Variants in RAD54L2 observed in about 807,000 individuals in gnomAD.
RAD54L2 encodes the protein RAD54 like 2.
RAD54L2 carries 27 observed loss-of-function variants against 138.4 expected under a neutral mutation model. The observed-to-expected ratio is 0.20, with a 90% confidence interval of 0.14 to 0.27. The LOEUF (loss-of-function observed/expected upper bound fraction) is 0.27, where lower values mean the gene tolerates loss of function less well. RAD54L2 is among the 10% of genes least tolerant of loss of function. The pLI, the probability that RAD54L2 is intolerant of heterozygous loss-of-function variation, is 1.00. For synonymous variants in RAD54L2, 644 were observed against 723.2 expected (o/e 0.89, Z 1.76); for missense variants, 1,396 against 1,890.2 (o/e 0.74, Z 4.85).
intron 19 of RAD54L2, among the ~76,000 whole-genome samples, chr3:51,647,019 GTAAGATAT>G (rs1226443349): frequency 1.3e-5 from 2 of 151,956 alleles, no homozygotes; most frequent in Non-Finnish European, 2.9e-5. Flanking sequence ...GAGGCTCCTT[GTAAGATAT>G]TATAGAACAG....
At chr3:51,651,094 T>C (rs1335650274) in intron 19 of RAD54L2, among the ~76,000 whole-genome samples, 1 of 152,000 alleles carries the variant, frequency 6.6e-6, no homozygotes, top group Non-Finnish European at 1.5e-5. Context: ...TAAAAAATGA[T>C]AAAGGGGATA....
chr3:51,554,833 T>C (rs1225932259), intron 2 of RAD54L2, among the ~76,000 whole-genome samples: 1 of 151,664 alleles, frequency 6.6e-6, no homozygotes, highest in African/African-American at 2.4e-5. Flanking sequence ...CAGACCCTCA[T>C]TTCTTTTCTT....
At chr3:51,648,317 C>T (rs569301181) in intron 19 of RAD54L2, among the ~76,000 whole-genome samples, 121 of 152,360 alleles carry the variant, frequency 7.9e-4, no homozygotes, top group South Asian at 3.7e-3. Flanking sequence ...GTGGAGCCCA[C>T]TGTAGCTCAA....
In RAD54L2 at chr3:51,639,974, C is replaced by T. The variant is rs1559648360; in HGVS notation, c.2206C>T (p.Leu736Phe). 2 of 1,608,114 alleles carry T rather than the reference C, an allele frequency of 1.2e-6. No individual in the cohort carries two copies. Among genetic ancestry groups the T allele is most frequent in the Middle Eastern group, 1.6e-4 (1 of 6,072 alleles). The change falls in exon 14 of 23, where the codon CTT becomes TTT. Residue 736 changes from leucine (L) to phenylalanine (F), a missense_variant. Physicochemically the swap from Leu to Phe is conservative, Grantham distance 22. Coordinates refer to ENST00000684192, the MANE Select transcript of RAD54L2 (RefSeq NM_015106.4). ...LFHLIEESVK[L>F]GDKILVFSQS... ...CCACCTGATTGAGGAAAGTGTGAAG[C>T]TTGGGGACAAGATCCTTGTGTTTAG...
Position 51,590,514 on chromosome 3 carries a change from G to T in RAD54L2, c.94G>T (p.Ala32Ser). The change falls in exon 3 of 23, where the codon GCA (alanine) becomes TCA (serine). Residue 32 changes from alanine (A) to serine (S), a missense_variant. This residue lies in a region of RAD54L2 where 256 missense variants were observed against 344.6 expected (regional missense o/e 0.74). Transcript: ENST00000684192. ...AGAGGAGGAGGAGGAGGAGGAGGTGGCAGTGGAGGAGTGTGACAGGGATGA... is the reference window on the plus strand; with the variant it reads ...AGAGGAGGAGGAGGAGGAGGAGGTGTCAGTGGAGGAGTGTGACAGGGATGA... ...AEEEEEEEEV[A>S]VEECDRDDEE... 6.4e-7 allele frequency: 1 copy of T among 1,552,470 alleles called. No individual in the cohort carries two copies. Among genetic ancestry groups the T allele is most frequent in the Non-Finnish European group, 8.7e-7 (1 of 1,147,188 alleles).
intron 2 of RAD54L2, among the ~76,000 whole-genome samples, chr3:51,557,268 C>T (rs578139387): frequency 2.2e-4 from 32 of 145,074 alleles, no homozygotes; most frequent in African/African-American, 7.6e-4. Flanking sequence ...ACTGTAGCCT[C>T]GACTTCCCAG....
intron 2 of RAD54L2, among the ~76,000 whole-genome samples, chr3:51,573,631 G>A (rs1221741698): frequency 6.6e-6 from 1 of 152,030 alleles, no homozygotes; most frequent in Admixed American, 6.6e-5. Context: ...CACCACGCCT[G>A]ACTAATTTTT....
At chr3:51,649,576 C>T (rs1701374824) in intron 19 of RAD54L2, among the ~76,000 whole-genome samples, 1 of 152,106 alleles carries the variant, frequency 6.6e-6, no homozygotes, top group Admixed American at 6.6e-5. Flanking sequence ...AAAGGGAAGC[C>T]CATCAGACTA....
intron 3 of RAD54L2, among the ~76,000 whole-genome samples, chr3:51,615,165 G>C (rs974510140): frequency 6.6e-6 from 1 of 151,910 alleles, no homozygotes; most frequent in Non-Finnish European, 1.5e-5. Context: ...AGGCACCCAC[G>C]ACCATGCCTG....
intron 2 of RAD54L2, among the ~76,000 whole-genome samples, chr3:51,553,869 C>T (rs970192775): frequency 2.0e-5 from 3 of 152,140 alleles, no homozygotes; most frequent in Non-Finnish European, 4.4e-5. Flanking sequence ...ATACTATAGT[C>T]TATTAAGTTC....
At chr3:51,596,938 G>C (rs976398961) in intron 3 of RAD54L2, among the ~76,000 whole-genome samples, 6 of 152,182 alleles carry the variant, frequency 3.9e-5, no homozygotes, top group Non-Finnish European at 8.8e-5. Context: ...GCCAAGGCAG[G>C]CGGATCAGTT....
intron 3 of RAD54L2, among the ~76,000 whole-genome samples, chr3:51,626,990 C>G (rs147053762): frequency 6.6e-6 from 1 of 152,246 alleles, no homozygotes; most frequent in African/African-American, 2.4e-5. Flanking sequence ...AGAACACAAA[C>G]TTCTTGAAGG....
intron 3 of RAD54L2, among the ~76,000 whole-genome samples, chr3:51,620,723 A>G (rs1367944481): frequency 6.6e-6 from 1 of 152,140 alleles, no homozygotes; most frequent in East Asian, 1.9e-4. Flanking sequence ...GTTACTGCTC[A>G]CAGCTGGCTC....
chr3:51,553,981 T>A (rs898402611), intron 2 of RAD54L2, among the ~76,000 whole-genome samples: 1 of 152,210 alleles, frequency 6.6e-6, no homozygotes, highest in Non-Finnish European at 1.5e-5. Flanking sequence ...GGACTTGTAA[T>A]CCTTTTGCTG....
At chr3:51,576,292 A>G (rs1158094282) in intron 2 of RAD54L2, among the ~76,000 whole-genome samples, 1 of 152,180 alleles carries the variant, frequency 6.6e-6, no homozygotes, top group African/African-American at 2.4e-5. Context: ...CATCAGGGAT[A>G]TTGGTCTAAA....
chr3:51,608,347 G>A (rs548803778), intron 3 of RAD54L2, among the ~76,000 whole-genome samples: 7 of 151,740 alleles, frequency 4.6e-5, no homozygotes, highest in Non-Finnish European at 1.0e-4. Flanking sequence ...CACAGACTGC[G>A]CCGCTGGGCA....
chr3:51,616,827 C>CAAAAG (rs542313846), intron 3 of RAD54L2, among the ~76,000 whole-genome samples: 115 of 151,654 alleles, frequency 7.6e-4, no homozygotes, highest in Middle Eastern at 3.4e-3. Context: ...GACTCTGTCT[C>CAAAAG]AAAAGAAAAG....
intron 2 of RAD54L2, among the ~76,000 whole-genome samples, chr3:51,574,828 T>C (rs1320949792): frequency 1.3e-5 from 2 of 152,256 alleles, no homozygotes; most frequent in Admixed American, 6.5e-5. Flanking sequence ...TTTCTTTTGC[T>C]GTGCAGAATC....
chr3:51,638,505 C>T lies in RAD54L2; in HGVS notation c.1860+184C>T. The T allele has an allele frequency of 7.7e-6, 5 of 649,582 alleles. No individual in the cohort carries two copies. Among genetic ancestry groups the T allele is most frequent in the Non-Finnish European group, 1.3e-5 (5 of 386,690 alleles). 40.2% of individuals were successfully genotyped at this position (649,582 alleles called of 1,614,324 possible). ...GTGATGGTTTTGTACCACATAACTC[C>T]TGGGGGTGCCATTCACACAGTGTAA... On this transcript the variant is annotated intron_variant, in intron 12 of 22. Coordinates refer to ENST00000684192, the MANE Select transcript of RAD54L2 (RefSeq NM_015106.4). This position sits in a 1 kb window ranked among gnomAD's most constrained non-coding sequence, Gnocchi z 4.3.
Sources: allele counts gnomAD v4.1 joint callset (sites outside exome capture counted in the v4.1 genomes callset), GRCh38; gene constraint gnomAD v4.1.1; regional missense constraint gnomAD v4.1.1; non-coding constraint Gnocchi (gnomAD v3.1); transcripts MANE v1.5; gene names NCBI Gene and HGNC (gene_info 2026-07-23, HGNC 2026-07-21).